NBAS: variants seen among roughly 807,000 people sequenced by gnomAD.
NBAS encodes NAG/BC035112 fusion.
NBAS carries 219 observed loss-of-function variants against 302.5 expected under a neutral mutation model. That is an observed-to-expected ratio of 0.72 (90% CI 0.65 to 0.81). The LOEUF (loss-of-function observed/expected upper bound fraction) is 0.81. Among genes scored for constraint, NBAS ranks in the 30% least tolerant of loss-of-function variants. NBAS has a pLI of 0.00. For missense variants in NBAS, 2,932 were observed against 2,841.6 expected, an observed-to-expected ratio of 1.03 and a Z score of -0.72; for synonymous variants, 1,118 against 1,021.6, an observed-to-expected ratio of 1.09 and a Z score of -1.80.
intron 38 of NBAS, among the ~76,000 whole-genome samples, chr2:15,321,985 C>T (rs1016301101): frequency 6.6e-6 from 1 of 152,130 alleles, no homozygotes; most frequent in Non-Finnish European, 1.5e-5. Context: ...GAGTTGGAAC[C>T]AACCCAAATG....
At chr2:14,813,083 G>A in the NBAS span, among the ~76,000 whole-genome samples, 1 of 152,270 alleles carries the variant, frequency 6.6e-6, no homozygotes, top group African/African-American at 2.4e-5. Context: ...CCTGCTGCCT[G>A]TACAGACTAC....
the NBAS span, among the ~76,000 whole-genome samples, chr2:14,920,293 A>T: frequency 1.3e-5 from 2 of 152,220 alleles, no homozygotes; most frequent in Non-Finnish European, 2.9e-5. Flanking sequence ...GGCTTAAAAG[A>T]TTCAGCAAAC....
chr2:15,364,823 G>C (rs1674118064), intron 32 of NBAS, among the ~76,000 whole-genome samples: 1 of 152,026 alleles, frequency 6.6e-6, no homozygotes, highest in South Asian at 2.1e-4. Context: ...CTGCTTAGCT[G>C]AGCCCAATCT....
chr2:15,375,463 C>T (rs999280269), intron 30 of NBAS, among the ~76,000 whole-genome samples: 1 of 152,110 alleles, frequency 6.6e-6, no homozygotes, highest in African/African-American at 2.4e-5. Context: ...TCACAGATCA[C>T]GAGATGCAGG....
intron 48 of NBAS, among the ~76,000 whole-genome samples, chr2:15,197,061 T>C (rs1304619388): frequency 6.6e-6 from 1 of 152,118 alleles, no homozygotes; most frequent in African/African-American, 2.4e-5. Flanking sequence ...GACTTCAACA[T>C]AAAGATAAAA....
chr2:14,954,505 T>A, the NBAS span, among the ~76,000 whole-genome samples: 3 of 152,170 alleles, frequency 2.0e-5, no homozygotes, highest in African/African-American at 7.2e-5. Flanking sequence ...AGAAATGGAA[T>A]CTTGATAAGT....
the NBAS span, among the ~76,000 whole-genome samples, chr2:14,948,739 A>T: frequency 6.6e-6 from 1 of 151,660 alleles, no homozygotes; most frequent in Non-Finnish European, 1.5e-5. Context: ...TAGAAAAAAA[A>T]ATCTTAAAAT....
the NBAS span, among the ~76,000 whole-genome samples, chr2:14,981,493 A>G: frequency 3.9e-5 from 6 of 152,220 alleles, no homozygotes; most frequent in African/African-American, 1.4e-4. Flanking sequence ...TAAGCATGAC[A>G]CAGACAACTA....
At chr2:15,248,985 C>T (rs916904132) in intron 44 of NBAS, among the ~76,000 whole-genome samples, 1 of 152,096 alleles carries the variant, frequency 6.6e-6, no homozygotes, top group Non-Finnish European at 1.5e-5. Flanking sequence ...AATACCAAAA[C>T]CTGCCAGAGA....
chr2:15,464,949 G>A (rs1041055062), intron 19 of NBAS, among the ~76,000 whole-genome samples: 2 of 152,188 alleles, frequency 1.3e-5, no homozygotes, highest in African/African-American at 2.4e-5. Context: ...TGGGCTACTC[G>A]TCAGAGAGAC....
rs1465071726 is a variant in NBAS, at chr2:15,534,566, T to C, written c.723A>G (p.Thr241=). 2 of 1,612,810 alleles carry C rather than the reference T, an allele frequency of 1.2e-6. No homozygotes were observed. Among genetic ancestry groups the C allele is most frequent in the Non-Finnish European group, 1.7e-6 (2 of 1,178,762 alleles). Residue 241 remains threonine, a synonymous_variant, in exon 9 of 52, where the codon ACA becomes ACG. Coordinates refer to ENST00000281513, the MANE Select transcript of NBAS (RefSeq NM_015909.4). ...ACCTGTGACCAGGGTGGTAAATAGCTGTGTTGATTCCATGAGGATAATGAC... is the reference window on the plus strand; with the variant it reads ...ACCTGTGACCAGGGTGGTAAATAGCCGTGTTGATTCCATGAGGATAATGAC... The part of the protein sequence containing the change: ...FSSHYPHGIN[T]AIYHPGHRLL...
chr2:14,802,584 G>T, the NBAS span, among the ~76,000 whole-genome samples: 2 of 151,782 alleles, frequency 1.3e-5, no homozygotes, highest in South Asian at 2.1e-4. Flanking sequence ...AAAGACACAT[G>T]CACACGTATG....
intron 11 of NBAS, among the ~76,000 whole-genome samples, chr2:15,498,929 C>CT (rs374067971): frequency 0.044 from 5,856 of 133,442 alleles, 155 homozygotes; most frequent in Non-Finnish European, 0.052. Flanking sequence ...CAGGGAGTTA[C>CT]TTTTTTTTTT....
In NBAS at chr2:15,474,219, C is replaced by T. The variant is rs374972400; in HGVS notation, c.1447G>A (p.Ala483Thr). ...SDSDYEISAK[A>T]RYFGYIKQGL... is the part of the protein sequence containing the mutation. ...TGTTTTATATAACCAAAGTAGCGAG[C>T]CTTGGCAGATATTTCATAATCAGAA... The change falls in exon 15 of 52, where the codon GCT becomes ACT. Residue 483 changes from alanine to threonine, a missense_variant. By Grantham distance (58) the Ala-to-Thr change is moderately conservative (BLOSUM62 0). Transcript: ENST00000281513. 7 of 1,613,906 alleles carry T rather than the reference C, an allele frequency of 4.3e-6. No individual in the cohort carries two copies. The highest frequency in any genetic ancestry group is 5.1e-6 in the Non-Finnish European group (6 of 1,180,008).
intron 26 of NBAS, among the ~76,000 whole-genome samples, chr2:15,401,927 G>C (rs188267624): frequency 1.5e-4 from 23 of 152,132 alleles, no homozygotes; most frequent in African/African-American, 5.3e-4. Flanking sequence ...AAATTATCAT[G>C]TTTGACAAAA....
At chr2:15,171,522 A>C (rs956658008) in intron 51 of NBAS, among the ~76,000 whole-genome samples, 3 of 152,220 alleles carry the variant, frequency 2.0e-5, no homozygotes, top group African/African-American at 4.8e-5. Flanking sequence ...TAAATATTTC[A>C]GCCATTTTAA....
intron 21 of NBAS, among the ~76,000 whole-genome samples, chr2:15,456,469 C>CA (rs1430149420): frequency 9.9e-5 from 15 of 152,092 alleles, no homozygotes; most frequent in African/African-American, 3.4e-4. Context: ...CTCATTCTTT[C>CA]AAAAAAATAC....
At chr2:14,876,679 T>G in the NBAS span, among the ~76,000 whole-genome samples, 1 of 152,246 alleles carries the variant, frequency 6.6e-6, no homozygotes, top group East Asian at 1.9e-4. Flanking sequence ...ATTATTATTT[T>G]TGGTTGGGGA....
At chr2:15,133,448 C>T in the NBAS span, among the ~76,000 whole-genome samples, 1 of 152,126 alleles carries the variant, frequency 6.6e-6, no homozygotes, top group Non-Finnish European at 1.5e-5. Flanking sequence ...GCAGATAGAA[C>T]AGCATTAGCA....
Sources: gnomAD v4.1 joint callset for allele counts (sites outside exome capture counted in the v4.1 genomes callset) on GRCh38, gnomAD v4.1.1 for gene constraint, MANE v1.5 for transcripts, NCBI Gene and HGNC (gene_info 2026-07-23, HGNC 2026-07-21) for gene names.